BTBD2: variants seen among roughly 807,000 people sequenced by gnomAD.
BTBD2 encodes the protein BTB domain containing 2.
Under a neutral mutation model 44.0 loss-of-function variants are expected in BTBD2, and 15 were observed. The observed-to-expected ratio is 0.34, with a 90% CI of 0.23 to 0.53. The LOEUF (loss-of-function observed/expected upper bound fraction) is 0.53. Among genes scored for constraint, BTBD2 ranks in the 20% least tolerant of loss-of-function variants. The probability of loss-of-function intolerance (pLI) is 0.95; values close to 1 mark genes in which losing one functional copy is unlikely to be tolerated. For missense variants in BTBD2, 657 were observed against 746.4 expected (o/e 0.88, Z 1.39); for synonymous variants, 443 against 335.9 (o/e 1.32, Z -3.49).
chr19:1,989,670 C>T (rs192672899), intron 5 of BTBD2: 17 of 374,634 alleles, frequency 4.5e-5, no homozygotes, highest in Admixed American at 1.6e-4. Context: ...TCAGAGCCCT[C>T]CTGAGCTCGT....
rs34436568 is a variant in BTBD2 at position 2,009,020 on chromosome 19, C to CTTT, written c.407+6274_407+6276dup. On this transcript the variant is annotated intron_variant, in intron 1 of 8. Transcript: ENST00000255608. The stretch of plus-strand genomic sequence containing the variant: ...ATGTGAGACCCCAGAACACACTGTT[C>CTTT]TTTTTTTTTTTTTTCCAAGACAGAG... Among the ~76,000 whole-genome samples, 5 of 143,224 alleles carry CTTT rather than the reference C, an allele frequency of 3.5e-5. 1 individual carries two copies. In the East Asian group the frequency reaches 8.2e-4, roughly 24 times the overall value. 94.0% of individuals were successfully genotyped at this position (143,224 alleles called of 152,430 possible).
intron 1 of BTBD2, among the ~76,000 whole-genome samples, chr19:2,001,632 T>C (rs1401852144): frequency 6.6e-6 from 1 of 152,240 alleles, no homozygotes; most frequent in East Asian, 1.9e-4. Flanking sequence ...CTGGTGACTT[T>C]ATCCACGTGC....
rs1241407367 is a variant in BTBD2 at position 2,015,594 on chromosome 19, G to A, written c.110C>T (p.Ala37Val). The change falls in exon 1 of 9, where the codon GCC (alanine) becomes GTC (valine). Residue 37 changes from alanine (A) to valine (V), a missense_variant. Coordinates refer to ENST00000255608, the MANE Select transcript of BTBD2 (RefSeq NM_017797.4). ...GPSANAAATP[A>V]PGNAAAAAAA... Reference sequence around the variant, plus strand: ...GGCGGCGGCGGCCGCGTTGCCGGGGGCCGGGGTGGCGGCGGCGTTGGCGCT... The same window carrying A: ...GGCGGCGGCGGCCGCGTTGCCGGGGACCGGGGTGGCGGCGGCGTTGGCGCT... 1,075 of 969,632 alleles carry A rather than the reference G, an allele frequency of 1.1e-3. 4 individuals are homozygous for A. The highest frequency in any genetic ancestry group is 1.2e-3 in the Non-Finnish European group (969 of 822,070). The allele number at this position is 969,632 out of a possible 1,614,324, so 60.1% of individuals were successfully genotyped here.
intron 2 of BTBD2, among the ~76,000 whole-genome samples, chr19:1,996,545 C>CAAAAA (rs111933486): frequency 0.014 from 1,343 of 99,262 alleles, 51 homozygotes; most frequent in African/African-American, 0.047. Context: ...GCAAAACTGT[C>CAAAAA]AAAAAAAAAA....
chr19:1,997,205 G>A, intron 2 of BTBD2, 139 bp downstream of exon 2: 1 of 1,301,284 alleles, frequency 7.7e-7, no homozygotes, highest in Non-Finnish European at 1.0e-6. Context: ...AGTGCCTCTG[G>A]AACCCCTCAT....
intron 1 of BTBD2, among the ~76,000 whole-genome samples, chr19:2,004,689 T>G (rs1334814048): frequency 6.7e-6 from 1 of 149,188 alleles, no homozygotes; most frequent in African/African-American, 2.5e-5. Context: ...GAGTCGAAAA[T>G]AAAATCAGGC....
intron 2 of BTBD2, among the ~76,000 whole-genome samples, chr19:1,996,631 C>A (rs2016255262): frequency 6.6e-6 from 1 of 151,730 alleles, no homozygotes; most frequent in Admixed American, 6.6e-5. Flanking sequence ...TGCCTGTAAT[C>A]CCAGCACTTT....
chr19:1,986,206 C>T lies in BTBD2; in HGVS notation c.*282G>A. ...GCCCTGAGCTGCGGGTCCGTGGGCC[C>T]TGGCCCAGGCCGGCACAGCCCTGTC... On this transcript the variant is annotated 3_prime_UTR_variant, in exon 9 of 9. Coordinates refer to ENST00000255608, the MANE Select transcript of BTBD2 (RefSeq NM_017797.4). 2.3e-6 allele frequency: 1 copy of T among 434,848 alleles called. No individual in the cohort carries two copies. The highest frequency in any genetic ancestry group is 6.2e-4 in the Middle Eastern group (1 of 1,606). 26.9% of individuals were successfully genotyped at this position (434,848 alleles called of 1,614,324 possible). A position where few individuals can be genotyped will look rare whatever the true frequency, so the allele number is the denominator to read the frequency against.
intron 1 of BTBD2, among the ~76,000 whole-genome samples, chr19:2,004,794 CAT>C (rs1712132646): frequency 6.6e-6 from 1 of 150,944 alleles, no homozygotes; most frequent in Admixed American, 6.6e-5. Flanking sequence ...GCCTCGGCAA[CAT>C]AGAAAGACCC....
chr19:1,987,377 CG>C, intron 6 of BTBD2, 122 bp downstream of exon 6: 3 of 1,370,386 alleles, frequency 2.2e-6, no homozygotes, highest in Non-Finnish European at 2.9e-6. Flanking sequence ...CCATGCCCGG[CG>C]GCCCCCCCGC....
intron 1 of BTBD2, among the ~76,000 whole-genome samples, chr19:1,999,968 C>CAA (rs5826753): frequency 1.3e-4 from 14 of 104,868 alleles, no homozygotes; most frequent in African/African-American, 4.0e-4. Context: ...GACTCCACCT[C>CAA]AAAAAAAAAA....
At chr19:2,001,513 TAA>T (rs1049153526) in intron 1 of BTBD2, among the ~76,000 whole-genome samples, 3 of 152,052 alleles carry the variant, frequency 2.0e-5, no homozygotes, top group African/African-American at 7.2e-5. Flanking sequence ...GAAAACAGGT[TAA>T]AGACCGAAAG....
intron 2 of BTBD2, among the ~76,000 whole-genome samples, chr19:1,995,640 ATTT>A (rs201871379): frequency 7.9e-6 from 1 of 126,256 alleles, no homozygotes; most frequent in Non-Finnish European, 1.7e-5. Flanking sequence ...ACTTTGATCT[ATTT>A]TTTTTTTTTT....
intron 8 of BTBD2, 85 bp downstream of exon 8, chr19:1,986,745 C>T (rs2016089683): frequency 1.3e-6 from 2 of 1,575,648 alleles, no homozygotes; most frequent in Non-Finnish European, 8.6e-7. Context: ...AGGGTGGCTG[C>T]CTCTGGAGAG....
chr19:2,008,359 G>A (rs562439189), intron 1 of BTBD2, among the ~76,000 whole-genome samples: 40 of 147,150 alleles, frequency 2.7e-4, no homozygotes, highest in Non-Finnish European at 5.0e-4. Context: ...GAGCCCAGTC[G>A]TGCGATCTCA....
intron 1 of BTBD2, among the ~76,000 whole-genome samples, chr19:2,006,349 C>T (rs994478506): frequency 6.6e-6 from 1 of 151,974 alleles, no homozygotes; most frequent in Non-Finnish European, 1.5e-5. Flanking sequence ...CCTAATAAGG[C>T]TTCAGGAAGA....
chr19:2,014,915 C>T (rs1599364350), intron 1 of BTBD2, among the ~76,000 whole-genome samples: 1 of 150,206 alleles, frequency 6.7e-6, no homozygotes, highest in East Asian at 2.0e-4. Flanking sequence ...GCCCAGAGTG[C>T]AGGCCTGGTG....
At chr19:1,999,264 C>T (rs552557123) in intron 1 of BTBD2, among the ~76,000 whole-genome samples, 10 of 152,338 alleles carry the variant, frequency 6.6e-5, no homozygotes, top group Middle Eastern at 3.4e-3. Flanking sequence ...ACATCCGCCC[C>T]GAACCTCGGA....
intron 4 of BTBD2, 104 bp from the exon 5 acceptor site, chr19:1,990,305 A>G: frequency 7.5e-7 from 1 of 1,340,536 alleles, no homozygotes; most frequent in Non-Finnish European, 1.0e-6. Context: ...CCGGGCTGGC[A>G]ACTATGGCCC....
Sources: gnomAD v4.1 joint callset for allele counts (sites outside exome capture counted in the v4.1 genomes callset) on GRCh38, gnomAD v4.1.1 for gene constraint, MANE v1.5 for transcripts, NCBI Gene and HGNC (gene_info 2026-07-23, HGNC 2026-07-21) for gene names.